The following SORBS2 variants were observed in gnomAD, a reference collection of about 807,000 sequenced individuals.
The protein encoded by SORBS2 is sorbin and SH3 domain-containing protein 2.
A neutral mutation model predicts 97.7 loss-of-function variants in SORBS2; 46 were observed. That is an observed-to-expected ratio of 0.47 (90% confidence interval 0.37 to 0.60). The LOEUF is 0.60. Ranked by LOEUF, SORBS2 falls within the 20% of genes least tolerant of loss-of-function variation. The pLI is 0.00. For synonymous variants in SORBS2, 476 were observed against 473.4 expected, an observed-to-expected ratio of 1.01 and a Z score of -0.07; for missense variants, 1,316 against 1,282.3, an observed-to-expected ratio of 1.03 and a Z score of -0.40.
chr4:185,798,257 T>C (rs1175017284), intron 1 of SORBS2, among the ~76,000 whole-genome samples: 1 of 152,238 alleles, frequency 6.6e-6, no homozygotes, highest in Non-Finnish European at 1.5e-5. Flanking sequence ...TTAATCCTTA[T>C]TTATTTTTTC....
chr4:185,917,954 C>T (rs1350441342), intron 1 of SORBS2, among the ~76,000 whole-genome samples: 1 of 152,202 alleles, frequency 6.6e-6, no homozygotes, highest in South Asian at 2.1e-4. Context: ...GTCAAGACTT[C>T]CATGTATTAT....
At chr4:185,637,020 G>A (rs1561570057) in intron 4 of SORBS2, among the ~76,000 whole-genome samples, 1 of 152,196 alleles carries the variant, frequency 6.6e-6, no homozygotes, top group Non-Finnish European at 1.5e-5. Context: ...CGGGAGTCTG[G>A]GGATTAGAGA....
intron 1 of SORBS2, among the ~76,000 whole-genome samples, chr4:185,899,934 T>C (rs1182172627): frequency 6.6e-6 from 1 of 152,126 alleles, no homozygotes; most frequent in Non-Finnish European, 1.5e-5. Context: ...TAAGGGTTGA[T>C]CTAAGATAGA....
intron 1 of SORBS2, chr4:185,894,452 A>T (rs1055913045): frequency 2.0e-5 from 3 of 152,326 alleles, no homozygotes; most frequent in African/African-American, 7.2e-5. Context: ...ATCGATTTGA[A>T]AATTTCTGTG....
intron 1 of SORBS2, among the ~76,000 whole-genome samples, chr4:185,903,587 G>A (rs753840869): frequency 1.7e-4 from 26 of 152,070 alleles, no homozygotes; most frequent in Non-Finnish European, 1.0e-4. Context: ...CCCTGCCACC[G>A]CCAGATATGT....
chr4:185,725,151 G>A (rs2098546878), intron 2 of SORBS2, among the ~76,000 whole-genome samples: 1 of 152,142 alleles, frequency 6.6e-6, no homozygotes, highest in African/African-American at 2.4e-5. Context: ...CTATTTTTGA[G>A]CATTTCTCCT....
At chr4:185,658,218 C>G (rs1159610096), upstream of SORBS2, among the ~76,000 whole-genome samples, 1 of 152,084 alleles carries the variant, frequency 6.6e-6, no homozygotes, top group Admixed American at 6.5e-5. Context: ...GTACGATTTC[C>G]TATGTGCATT....
intron 1 of SORBS2, chr4:185,656,596 G>T (rs1196971952): frequency 5.9e-6 from 9 of 1,521,964 alleles, no homozygotes; most frequent in African/African-American, 1.4e-5. Context: ...GTCCCTCCCC[G>T]CATGGCCCCC....
At chr4:185,741,897 G>C (rs1244634325) in intron 2 of SORBS2, among the ~76,000 whole-genome samples, 1 of 152,082 alleles carries the variant, frequency 6.6e-6, no homozygotes, top group Non-Finnish European at 1.5e-5. Context: ...CCCGCCCCAC[G>C]GGTCCTTCAC....
chr4:185,904,536 T>C (rs2099249607), intron 1 of SORBS2, among the ~76,000 whole-genome samples: 1 of 152,194 alleles, frequency 6.6e-6, no homozygotes, highest in Non-Finnish European at 1.5e-5. Context: ...CAAAGGCGGT[T>C]AGGAACAGGA....
intron 1 of SORBS2, among the ~76,000 whole-genome samples, chr4:185,780,712 T>G (rs1369600707): frequency 6.6e-6 from 1 of 152,214 alleles, no homozygotes; most frequent in South Asian, 2.1e-4. Context: ...GTCCAATGAC[T>G]TCTACTGCCT....
intron 2 of SORBS2, among the ~76,000 whole-genome samples, chr4:185,766,387 C>T (rs1027026311): frequency 7.9e-5 from 12 of 152,172 alleles, no homozygotes; most frequent in African/African-American, 7.2e-5. Flanking sequence ...CATTCTTAAC[C>T]ATGGTCTTCA....
intron 3 of SORBS2, among the ~76,000 whole-genome samples, chr4:185,647,456 A>AGGC (rs996188506): frequency 7.2e-6 from 1 of 139,306 alleles, no homozygotes; most frequent in Admixed American, 7.7e-5. Context: ...TCTGTTGCCC[A>AGGC]GGCTGGAGTG....
chr4:185,827,245 A>G (rs1165986168), intron 1 of SORBS2, among the ~76,000 whole-genome samples: 2 of 150,332 alleles, frequency 1.3e-5, no homozygotes, highest in African/African-American at 4.9e-5. Context: ...CACCATCACC[A>G]CCATCATCAT....
chr4:185,913,236 T>C (rs2099256299), intron 1 of SORBS2, among the ~76,000 whole-genome samples: 1 of 152,190 alleles, frequency 6.6e-6, no homozygotes. Flanking sequence ...TAAACAAGCA[T>C]TATATAAAAC....
chr4:185,708,865 A>G (rs1018225554), intron 2 of SORBS2, among the ~76,000 whole-genome samples: 2 of 152,236 alleles, frequency 1.3e-5, no homozygotes, highest in African/African-American at 2.4e-5. Flanking sequence ...TGTTATTTTT[A>G]TCATGACTTT....
intron 1 of SORBS2, among the ~76,000 whole-genome samples, chr4:185,800,705 C>T (rs1423903995): frequency 6.6e-6 from 1 of 152,172 alleles, no homozygotes; most frequent in East Asian, 1.9e-4. Flanking sequence ...GGGCCCCCTC[C>T]ATCCTTTTAT....
intron 4 of SORBS2, among the ~76,000 whole-genome samples, chr4:185,642,665 CA>C (rs1365064201): frequency 9.2e-5 from 14 of 152,178 alleles, no homozygotes; most frequent in Non-Finnish European, 4.4e-5. Flanking sequence ...TTATGAGCTT[CA>C]AAAAAGTGCG....
In SORBS2 at chr4:185,606,650, TG is replaced by T. The variant is rs1397285961; in HGVS notation, c.2796+5129del. 5 of 985,132 alleles carry T rather than the reference TG, an allele frequency of 5.1e-6. No homozygotes were observed. The Admixed American group carries it at 3.1e-4, about 61-fold the overall frequency. The allele number at this position is 985,132 out of a possible 1,614,324, so 61.0% of individuals were successfully genotyped here. On this transcript the variant is annotated intron_variant, in intron 12 of 14. Coordinates refer to ENST00000418609, the Ensembl canonical transcript of SORBS2. The surrounding 1 kb of genome is among the most constrained non-coding windows in gnomAD (Gnocchi z 4.3). ...GTCCTAGGATCTGTGGGGGTGGCTA[TG>T]GGGTGTTTTAGGCAGTTGGGTTTCT...
Sources: allele counts gnomAD v4.1 joint callset (sites outside exome capture counted in the v4.1 genomes callset), GRCh38; gene constraint gnomAD v4.1.1; non-coding constraint Gnocchi (gnomAD v3.1); transcripts MANE v1.5; gene names NCBI Gene and HGNC (gene_info 2026-07-23, HGNC 2026-07-21).